The following DSCAM variants were observed in gnomAD, a reference collection of about 807,000 sequenced individuals.
DSCAM encodes the protein DS cell adhesion molecule, also known as cell adhesion molecule DSCAM.
Under a neutral mutation model 217.7 loss-of-function variants are expected in DSCAM, and 47 were observed. The observed-to-expected ratio is 0.22, with a 90% confidence interval of 0.17 to 0.28. The LOEUF is 0.28. DSCAM is among the 10% of genes least tolerant of loss of function. DSCAM has a pLI of 1.00. For synonymous variants in DSCAM, 1,056 were observed against 1,015.3 expected (o/e 1.04, Z -0.76); for missense variants, 2,080 against 2,618.3 (o/e 0.79, Z 4.49).
intron 11 of DSCAM, among the ~76,000 whole-genome samples, chr21:40,213,457 C>T (rs1036864077): frequency 5.3e-5 from 8 of 152,206 alleles, no homozygotes; most frequent in Non-Finnish European, 1.2e-4. Flanking sequence ...CACCAAAATA[C>T]CTGTTAGGAA....
At chr21:40,525,696 CTT>C in intron 3 of DSCAM, among the ~76,000 whole-genome samples, 1 of 152,218 alleles carries the variant, frequency 6.6e-6, no homozygotes, top group East Asian at 1.9e-4. Flanking sequence ...ACCATTTTCT[CTT>C]TTCTCCTGTT....
At chr21:40,547,380 G>A (rs930531361) in intron 3 of DSCAM, among the ~76,000 whole-genome samples, 1 of 152,140 alleles carries the variant, frequency 6.6e-6, no homozygotes, top group Non-Finnish European at 1.5e-5. Context: ...CCTATCACCC[G>A]GAGGGACGTG....
intron 3 of DSCAM, among the ~76,000 whole-genome samples, chr21:40,660,052 T>C (rs1049845594): frequency 6.6e-6 from 1 of 152,192 alleles, no homozygotes; most frequent in African/African-American, 2.4e-5. Flanking sequence ...AAAGACTGTG[T>C]TAAATGTTTT....
At chr21:40,106,490 G>A (rs919510025) in intron 20 of DSCAM, among the ~76,000 whole-genome samples, 1 of 152,048 alleles carries the variant, frequency 6.6e-6, no homozygotes, top group Admixed American at 6.5e-5. Context: ...CTCATAGAAC[G>A]AGTTAGGAAG....
rs572311981 is a variant in DSCAM at position 40,788,998 on chromosome 21, G to A, written c.43+57621C>T. Among the ~76,000 whole-genome samples the A allele has an allele frequency of 2.6e-5, 4 of 152,236 alleles. No individual in the cohort carries two copies. In the East Asian group the frequency reaches 5.8e-4, roughly 22 times the overall value. The stretch of plus-strand genomic sequence containing the variant: ...TAGAATTCCTACTAGAAAAAAATAT[G>A]AGTATTTTTATCTCATTGCCTGGCG... On this transcript the variant is annotated intron_variant, in intron 1 of 32. Transcript: ENST00000400454.
chr21:40,576,325 C>A (rs2076850195), intron 3 of DSCAM, among the ~76,000 whole-genome samples: 1 of 152,066 alleles, frequency 6.6e-6, no homozygotes, highest in Non-Finnish European at 1.5e-5. Flanking sequence ...GAATACATAC[C>A]ACTTGCTTCT....
Position 40,370,680 on chromosome 21 carries a change from G to A in DSCAM, c.509-1435C>T, listed in dbSNP as rs572996356. Among the ~76,000 whole-genome samples the A allele has an allele frequency of 6.9e-4, 105 of 152,070 alleles. 1 individual carries two copies. The highest frequency in any genetic ancestry group is 1.2e-3 in the Non-Finnish European group (81 of 68,004). Reference sequence around the variant, plus strand: ...GTATTATCCAGGCTGTGGTGCAGTGGTATCATCTCAGCTCACTGCAGCCAT... The same window carrying A: ...GTATTATCCAGGCTGTGGTGCAGTGATATCATCTCAGCTCACTGCAGCCAT... On this transcript the variant is annotated intron_variant, in intron 3 of 32. Transcript: ENST00000400454.
chr21:40,505,434 T>G (rs2837662), intron 3 of DSCAM, among the ~76,000 whole-genome samples: 13,207 of 152,114 alleles, frequency 0.087, 669 homozygotes, highest in Middle Eastern at 0.16. Context: ...GTCTTATGAT[T>G]CACAGCATTC....
At chr21:40,527,936 C>T (rs1180206145) in intron 3 of DSCAM, among the ~76,000 whole-genome samples, 3 of 152,186 alleles carry the variant, frequency 2.0e-5, no homozygotes, top group Non-Finnish European at 4.4e-5. Context: ...AATCATGCCA[C>T]TAGTCATCTC....
chr21:40,272,495 T>C (rs2073632026), intron 11 of DSCAM, among the ~76,000 whole-genome samples: 1 of 152,172 alleles, frequency 6.6e-6, no homozygotes, highest in South Asian at 2.1e-4. Flanking sequence ...GATGTGTGTG[T>C]ATGTGGTGGG....
intron 3 of DSCAM, among the ~76,000 whole-genome samples, chr21:40,580,116 C>T (rs2076892500): frequency 6.6e-6 from 1 of 150,436 alleles, no homozygotes; most frequent in Admixed American, 6.6e-5. Flanking sequence ...GAGTCTCGCT[C>T]TGTTGCCCAA....
intron 11 of DSCAM, among the ~76,000 whole-genome samples, chr21:40,267,667 C>A (rs929780204): frequency 1.3e-5 from 2 of 152,118 alleles, no homozygotes; most frequent in African/African-American, 4.8e-5. Context: ...GAGGCTGAGG[C>A]AGGCAGATCA....
At position 40,829,244 on chromosome 21, in the gene DSCAM, C is replaced by T. The variant is rs924830808; in HGVS notation, c.43+17375G>A. Among the ~76,000 whole-genome samples the T allele has an allele frequency of 7.2e-5, 11 of 152,100 alleles. No homozygotes were observed. In the East Asian group the frequency reaches 9.6e-4, roughly 13 times the overall value. ...TAGTCCAAGTATTCACTTGATTCTTCGGTTTTCTCAGTAAATCATATGAGG... is the reference window on the plus strand; with the variant it reads ...TAGTCCAAGTATTCACTTGATTCTTTGGTTTTCTCAGTAAATCATATGAGG... On this transcript the variant is annotated intron_variant, in intron 1 of 32. Transcript: ENST00000400454.
At chr21:40,327,605 G>A (rs1208921440) in intron 8 of DSCAM, among the ~76,000 whole-genome samples, 1 of 151,588 alleles carries the variant, frequency 6.6e-6, no homozygotes, top group Non-Finnish European at 1.5e-5. Flanking sequence ...TGGCAAGAGT[G>A]TGCATCTTTT....
At chr21:40,218,244 T>G (rs889108725) in intron 11 of DSCAM, among the ~76,000 whole-genome samples, 1 of 152,166 alleles carries the variant, frequency 6.6e-6, no homozygotes. Context: ...ATTTCTTGAA[T>G]AGGGAGTCTT....
At position 40,187,979 on chromosome 21, in the gene DSCAM, T is replaced by C; in HGVS notation, c.2562A>G (p.Pro854=). The C allele has an allele frequency of 6.2e-7, 1 of 1,613,660 alleles. No individual in the cohort carries two copies. The highest frequency in any genetic ancestry group is 8.5e-7 in the Non-Finnish European group (1 of 1,179,758). ...AGAAACCAGAATCTTCTCTCACAGT[T>C]GGCAAAATCTATGTGTAAAGCAGAA... The part of the protein sequence containing the change: ...EEVISTLQIL[P]TVREDSGFFS... Residue 854 remains proline, a synonymous_variant, in exon 13 of 33, where the codon CCA becomes CCG. Transcript: ENST00000400454.
chr21:40,128,844 C>A (rs1010094878), intron 19 of DSCAM, among the ~76,000 whole-genome samples: 1 of 152,088 alleles, frequency 6.6e-6, no homozygotes, highest in African/African-American at 2.4e-5. Flanking sequence ...GATGCCTGAC[C>A]CTTAGAAACG....
At chr21:40,576,949 A>G (rs1057151234) in intron 3 of DSCAM, among the ~76,000 whole-genome samples, 1 of 151,658 alleles carries the variant, frequency 6.6e-6, no homozygotes, top group African/African-American at 2.4e-5. Flanking sequence ...TACATATGTA[A>G]CAAACATGCA....
intron 3 of DSCAM, among the ~76,000 whole-genome samples, chr21:40,533,539 A>ATCTG (rs1381951383): frequency 6.3e-5 from 1 of 15,778 alleles, no homozygotes; most frequent in East Asian, 1.6e-3. Flanking sequence ...CCATCCATCC[A>ATCTG]TCCATTCATC....
Sources: allele counts gnomAD v4.1 joint callset (sites outside exome capture counted in the v4.1 genomes callset), GRCh38; gene constraint gnomAD v4.1.1; transcripts MANE v1.5; gene names NCBI Gene and HGNC (gene_info 2026-07-23, HGNC 2026-07-21).